The following TTC23 variants were observed in gnomAD, a reference collection of about 807,000 sequenced individuals.
TTC23 encodes tetratricopeptide repeat protein 23.
Under a neutral mutation model 55.1 loss-of-function variants are expected in TTC23, and 58 were observed. The observed-to-expected ratio is 1.05, with a 90% CI of 0.85 to 1.31. TTC23 has a LOEUF of 1.31. TTC23 is among the 50% of genes most tolerant of loss of function. The pLI, the probability that TTC23 is intolerant of heterozygous loss-of-function variation, is 0.00. For synonymous variants in TTC23, 203 were observed against 199.9 expected, an observed-to-expected ratio of 1.02 and a Z score of -0.13; for missense variants, 516 against 534.4, an observed-to-expected ratio of 0.97 and a Z score of 0.34.
intron 9 of TTC23, among the ~76,000 whole-genome samples, chr15:99,192,596 T>C (rs1895469986): frequency 6.6e-6 from 1 of 152,140 alleles, no homozygotes; most frequent in Non-Finnish European, 1.5e-5. Context: ...TCACAAGATG[T>C]ATGGAAATGC....
rs1555489294 is a variant in TTC23 at position 99,139,707 on chromosome 15, C to G, written c.1144-308G>C. The stretch of plus-strand genomic sequence containing the variant: ...ACCTTGGTACTGACCAGAGGATGGG[C>G]TCCAGTTTCTATTTTTAAATGTGGC... On this transcript the variant is annotated intron_variant, in intron 12 of 13. Transcript: ENST00000394132. 3.7e-6 allele frequency: 5 copies of G among 1,364,232 alleles called. No individual in the cohort carries two copies. The Admixed American group carries it at 6.6e-5, about 18-fold the overall frequency. 84.5% of individuals were successfully genotyped at this position (1,364,232 alleles called of 1,614,324 possible).
chr15:99,230,499 A>C (rs2078848827), intron 4 of TTC23, among the ~76,000 whole-genome samples: 1 of 152,172 alleles, frequency 6.6e-6, no homozygotes, highest in Non-Finnish European at 1.5e-5. Context: ...GAGATCCAAG[A>C]AGCTCAATGA....
chr15:99,156,693 C>T (rs2070632571), intron 11 of TTC23, among the ~76,000 whole-genome samples: 2 of 152,172 alleles, frequency 1.3e-5, no homozygotes, highest in Admixed American at 1.3e-4. Flanking sequence ...CAATCACCTC[C>T]CACAGGGTCC....
At chr15:99,160,119 A>G (rs2151892731) in intron 11 of TTC23, 1 of 152,172 alleles carries the variant, frequency 6.6e-6, no homozygotes, top group Non-Finnish European at 1.5e-5. Flanking sequence ...ACTGAGAAAC[A>G]TCCTGAAACT....
intron 2 of TTC23, among the ~76,000 whole-genome samples, chr15:99,244,448 G>T (rs2080066143): frequency 6.6e-6 from 1 of 152,068 alleles, no homozygotes; most frequent in Non-Finnish European, 1.5e-5. Flanking sequence ...AATAAGTTCG[G>T]CAAGGCCATA....
rs184428259 is a variant in TTC23 at position 99,147,295 on chromosome 15, A to G, written c.1144-7896T>C. Among the ~76,000 whole-genome samples the G allele has an allele frequency of 2.8e-3, 360 of 127,898 alleles. 3 individuals carry two copies. The highest frequency in any genetic ancestry group is 3.8e-3 in the Non-Finnish European group (232 of 60,960). 83.9% of individuals were successfully genotyped at this position (127,898 alleles called of 152,430 possible). ...GGCTGGAGTGCAGCGGCGCGATCTC[A>G]GCTCACTGCAAGCTCCGCCTCCCAG... On this transcript the variant is annotated intron_variant, in intron 12 of 13. Coordinates refer to ENST00000394132, the MANE Select transcript of TTC23 (RefSeq NM_001288615.3).
chr15:99,163,435 C>T (rs2071651796), intron 10 of TTC23, among the ~76,000 whole-genome samples: 2 of 152,150 alleles, frequency 1.3e-5, no homozygotes, highest in African/African-American at 4.8e-5. Context: ...AGAAAGCACC[C>T]CAACCTCCAG....
chr15:99,138,280 A>T (rs1228165011), intron 13 of TTC23, among the ~76,000 whole-genome samples, 153 bp from the exon 14 acceptor site: 1 of 152,122 alleles, frequency 6.6e-6, no homozygotes, highest in Non-Finnish European at 1.5e-5. Context: ...CACAGAGCAT[A>T]AAACATGAGA....
At position 99,184,378 on chromosome 15, in the gene TTC23, G is replaced by A. The variant is rs118092924; in HGVS notation, c.760-9223C>T. On this transcript the variant is annotated intron_variant, in intron 9 of 13. Coordinates refer to ENST00000394132, the MANE Select transcript of TTC23 (RefSeq NM_001288615.3). ...GCCAGCCCATGGAAGCAGCCAAGAGGGGGGTTGTACCCTGCAAAGCCACAG... is the reference window on the plus strand; with the variant it reads ...GCCAGCCCATGGAAGCAGCCAAGAGAGGGGTTGTACCCTGCAAAGCCACAG... 2.1e-4 allele frequency among the ~76,000 whole-genome samples: 32 copies of A among 152,314 alleles called. No individual in the cohort carries two copies. In the East Asian group the frequency reaches 6.0e-3, roughly 28 times the overall value.
At chr15:99,182,818 AGTT>A (rs1388588348) in intron 9 of TTC23, among the ~76,000 whole-genome samples, 2 of 136,714 alleles carry the variant, frequency 1.5e-5, no homozygotes, top group African/African-American at 5.2e-5. Context: ...TAAAAAAAGT[AGTT>A]ATTACTTAAA....
At chr15:99,139,026 T>G in intron 13 of TTC23, 1 of 449,988 alleles carries the variant, frequency 2.2e-6, no homozygotes, top group Non-Finnish European at 4.1e-6. Flanking sequence ...GCCACAGGGA[T>G]TCCCGGGGCC....
chr15:99,211,723 C>T (rs537398682), intron 8 of TTC23, among the ~76,000 whole-genome samples: 1 of 152,140 alleles, frequency 6.6e-6, no homozygotes, highest in African/African-American at 2.4e-5. Context: ...ACAGCAACCC[C>T]TGGAGGTCTT....
intron 10 of TTC23, among the ~76,000 whole-genome samples, chr15:99,172,750 G>A (rs1319923198): frequency 6.6e-6 from 1 of 152,136 alleles, no homozygotes; most frequent in African/African-American, 2.4e-5. Flanking sequence ...ATATATAAGC[G>A]GTAGCTATTA....
At chr15:99,241,156 A>G (rs1205960840) in intron 3 of TTC23, among the ~76,000 whole-genome samples, 1 of 152,096 alleles carries the variant, frequency 6.6e-6, no homozygotes, top group Non-Finnish European at 1.5e-5. Context: ...GTCTCTACTA[A>G]TACAAAAAAT....
intron 10 of TTC23, among the ~76,000 whole-genome samples, chr15:99,173,116 T>A (rs2073141821): frequency 1.1e-4 from 16 of 152,188 alleles, no homozygotes; most frequent in Admixed American, 1.0e-3. Context: ...TTTGGTTTGG[T>A]ATTCATTCAG....
intron 2 of TTC23, among the ~76,000 whole-genome samples, chr15:99,242,984 C>CA (rs1380372970): frequency 6.6e-6 from 1 of 151,974 alleles, no homozygotes; most frequent in Non-Finnish European, 1.5e-5. Flanking sequence ...GCAACCAAAA[C>CA]AAAAATGGAC....
chr15:99,160,598 G>T (rs2071225828), intron 11 of TTC23: 1 of 152,128 alleles, frequency 6.6e-6, no homozygotes, highest in African/African-American at 2.4e-5. Context: ...ATCCTTGGGG[G>T]CTCTGGAACC....
chr15:99,138,254 G>C, intron 13 of TTC23, 127 bp from the exon 14 acceptor site: 1 of 1,103,582 alleles, frequency 9.1e-7, no homozygotes, highest in Non-Finnish European at 1.3e-6. Context: ...GGCTATAAAT[G>C]AGAGGAGAAT....
chr15:99,184,575 T>A (rs1401592173), intron 9 of TTC23, among the ~76,000 whole-genome samples: 2 of 152,222 alleles, frequency 1.3e-5, no homozygotes, highest in African/African-American at 4.8e-5. Flanking sequence ...ATTTCTCCCA[T>A]TTTGAACGGG....
Sources: allele counts gnomAD v4.1 joint callset (sites outside exome capture counted in the v4.1 genomes callset), GRCh38; gene constraint gnomAD v4.1.1; transcripts MANE v1.5; gene names NCBI Gene and HGNC (gene_info 2026-07-23, HGNC 2026-07-21).